The following PTCHD4 variants were observed in gnomAD, a reference collection of about 807,000 sequenced individuals.
PTCHD4 encodes patched domain-containing protein 4.
A neutral mutation model predicts 58.1 loss-of-function variants in PTCHD4; 33 were observed. That is an observed-to-expected ratio of 0.57 (90% confidence interval 0.43 to 0.76). The LOEUF (loss-of-function observed/expected upper bound fraction) is 0.76, where lower values mean the gene tolerates loss of function less well. Ranked by LOEUF, PTCHD4 falls within the 30% of genes least tolerant of loss-of-function variation. The pLI, the probability that PTCHD4 is intolerant of heterozygous loss-of-function variation, is 0.00. For missense variants in PTCHD4, 1,058 were observed against 1,027.1 expected, an observed-to-expected ratio of 1.03 and a Z score of -0.41; for synonymous variants, 478 against 409.6, an observed-to-expected ratio of 1.17 and a Z score of -2.02.
intron 1 of PTCHD4, among the ~76,000 whole-genome samples, chr6:48,101,556 G>A (rs941749179): frequency 1.3e-5 from 2 of 152,160 alleles, no homozygotes; most frequent in Non-Finnish European, 2.9e-5. Flanking sequence ...GCTTCTCATT[G>A]TCTTTTACAG....
intron 4 of PTCHD4, among the ~76,000 whole-genome samples, chr6:47,961,001 T>C (rs1052804196): frequency 1.3e-5 from 2 of 150,636 alleles, no homozygotes; most frequent in African/African-American, 2.4e-5. Flanking sequence ...TCTTGCTCTG[T>C]TGCCCAGGCT....
At position 48,075,861 on chromosome 6, in the gene PTCHD4, A is replaced by G. The variant is rs376851498; in HGVS notation, c.-969-5935T>C. 7.2e-5 allele frequency among the ~76,000 whole-genome samples: 11 copies of G among 152,350 alleles called. No individual in the cohort carries two copies. The East Asian group carries it at 1.3e-3, about 19-fold the overall frequency. ...TGATGTTGATGGCAGCTGACTGCTC[A>G]GGGTGATGGTTGCTGAAGGTTAGAG... On this transcript the variant is annotated intron_variant, in intron 1 of 4. Coordinates refer to ENST00000339488, the MANE Select transcript of PTCHD4 (RefSeq NM_001384253.1).
intron 3 of PTCHD4, among the ~76,000 whole-genome samples, chr6:48,065,016 T>C (rs1165973839): frequency 6.6e-6 from 1 of 152,170 alleles, no homozygotes; most frequent in Non-Finnish European, 1.5e-5. Context: ...TGGAATTCCA[T>C]GGAAGGCACC....
intron 3 of PTCHD4, among the ~76,000 whole-genome samples, chr6:48,058,543 G>C (rs1005996960): frequency 6.6e-6 from 1 of 152,082 alleles, no homozygotes; most frequent in East Asian, 1.9e-4. Context: ...AATATTAAGA[G>C]AATGGATTCT....
chr6:48,060,205 G>T lies in PTCHD4; in HGVS notation c.417+8025C>A, dbSNP rs183735002. 3.9e-5 allele frequency among the ~76,000 whole-genome samples: 6 copies of T among 152,252 alleles called. No homozygotes were observed. In the East Asian group the frequency reaches 1.2e-3, roughly 29 times the overall value. On this transcript the variant is annotated intron_variant, in intron 3 of 4. Transcript: ENST00000339488. Reference sequence around the variant, plus strand: ...AATGGCTTTTGAATCTTACCCACACGATGTCTGTCTTACCCACATTAGTAT... The same window carrying T: ...AATGGCTTTTGAATCTTACCCACACTATGTCTGTCTTACCCACATTAGTAT...
chr6:47,879,508 T>G lies in PTCHD4; in HGVS notation c.1327A>C (p.Ile443Leu), dbSNP rs373307518. 4 of 1,613,676 alleles carry G rather than the reference T, an allele frequency of 2.5e-6. No homozygotes were observed. The highest frequency in any genetic ancestry group is 3.4e-6 in the Non-Finnish European group (4 of 1,179,796). Residue 443 changes from isoleucine to leucine, a missense_variant, in exon 5 of 5, where the codon ATT (isoleucine) becomes CTT (leucine). Physicochemically the swap from Ile to Leu is conservative, Grantham distance 5. Coordinates refer to ENST00000339488, the MANE Select transcript of PTCHD4 (RefSeq NM_001384253.1). ...TAATGTTCACGGAGGAAGTGCTGAA[T>G]GAAGTGGTGCTGGTAGGGGTTCGTC... Reference protein sequence around the residue: ...HETNPYQHHFIQHFLREHYNE... With the variant: ...HETNPYQHHFLQHFLREHYNE...
At chr6:47,960,389 T>C (rs1028911756) in intron 4 of PTCHD4, among the ~76,000 whole-genome samples, 2 of 152,144 alleles carry the variant, frequency 1.3e-5, no homozygotes, top group Non-Finnish European at 1.5e-5. Flanking sequence ...GTGGTTTAAA[T>C]GCTCCAATTA....
At chr6:47,967,799 A>C (rs1306887105) in intron 4 of PTCHD4, among the ~76,000 whole-genome samples, 1 of 151,990 alleles carries the variant, frequency 6.6e-6, no homozygotes, top group African/African-American at 2.4e-5. Flanking sequence ...CAGCTTCCTC[A>C]CCTCTCTCAG....
At chr6:48,061,947 A>G (rs908229602) in intron 3 of PTCHD4, among the ~76,000 whole-genome samples, 1 of 152,206 alleles carries the variant, frequency 6.6e-6, no homozygotes, top group African/African-American at 2.4e-5. Context: ...TGTCTTGGGC[A>G]AAACTAGGAG....
chr6:48,007,125 A>C (rs1762465333), intron 4 of PTCHD4, among the ~76,000 whole-genome samples: 1 of 152,164 alleles, frequency 6.6e-6, no homozygotes, highest in South Asian at 2.1e-4. Context: ...CTGTAATCCC[A>C]GCTACTCAGG....
chr6:48,010,312 A>C (rs893525537), intron 3 of PTCHD4, among the ~76,000 whole-genome samples: 8 of 152,204 alleles, frequency 5.3e-5, no homozygotes, highest in African/African-American at 1.9e-4. Flanking sequence ...AGTTCTTCCT[A>C]GAGTGGGTAG....
chr6:48,026,097 T>C (rs985749924), intron 3 of PTCHD4, among the ~76,000 whole-genome samples: 5 of 152,172 alleles, frequency 3.3e-5, no homozygotes, highest in African/African-American at 1.2e-4. Flanking sequence ...ATTGAAAATC[T>C]TTAAAACTAT....
chr6:48,081,661 A>C (rs1302045021), intron 1 of PTCHD4, among the ~76,000 whole-genome samples: 1 of 152,248 alleles, frequency 6.6e-6, no homozygotes, highest in African/African-American at 2.4e-5. Flanking sequence ...AAGGAAGTAC[A>C]TAATTGCTTG....
intron 1 of PTCHD4, among the ~76,000 whole-genome samples, chr6:48,083,595 G>A (rs1460186627): frequency 6.6e-6 from 1 of 152,146 alleles, no homozygotes; most frequent in Non-Finnish European, 1.5e-5. Flanking sequence ...TTATTCAGGT[G>A]GGCACTTTGA....
In PTCHD4 at chr6:47,870,038, C is replaced by CTA. The variant is rs1763673437; in HGVS notation, c.*8263_*8264dup. Among the ~76,000 whole-genome samples the CTA allele has an allele frequency of 6.6e-6, 1 of 151,620 alleles. No individual in the cohort carries two copies. Among genetic ancestry groups the CTA allele is most frequent in the African/African-American group, 2.4e-5 (1 of 41,382 alleles). ...AAGACCTCATATTTGACCCTAAGAA[C>CTA]TATAGAATATACACCTGTATAATTT... On this transcript the variant is annotated 3_prime_UTR_variant, in exon 5 of 5. Coordinates refer to ENST00000339488, the MANE Select transcript of PTCHD4 (RefSeq NM_001384253.1).
chr6:48,028,146 T>C (rs2114125995), intron 3 of PTCHD4, among the ~76,000 whole-genome samples: 1 of 152,232 alleles, frequency 6.6e-6, no homozygotes, highest in Admixed American at 6.5e-5. Context: ...TTTCGCATTG[T>C]TGGCCAGCCT....
chr6:48,055,551 C>T (rs973839371), intron 3 of PTCHD4, among the ~76,000 whole-genome samples: 2 of 152,118 alleles, frequency 1.3e-5, no homozygotes, highest in Non-Finnish European at 2.9e-5. Context: ...ATAAAAAAGT[C>T]TAAAGGCTCA....
intron 1 of PTCHD4, among the ~76,000 whole-genome samples, chr6:48,096,504 C>T (rs1025459227): frequency 6.6e-5 from 10 of 151,334 alleles, no homozygotes; most frequent in Non-Finnish European, 1.3e-4. Context: ...CCCAGCTACT[C>T]AGGAGGCTGA....
Position 47,871,423 on chromosome 6 carries a change from T to G in PTCHD4, c.*6880A>C, listed in dbSNP as rs1429961722. Reference sequence around the variant, plus strand: ...TTTTCTGAAGTTATTCACAGATTATTTGTGCATCTTACTGGGTAGACTGCT... The same window carrying G: ...TTTTCTGAAGTTATTCACAGATTATGTGTGCATCTTACTGGGTAGACTGCT... On this transcript the variant is annotated 3_prime_UTR_variant, in exon 5 of 5. Transcript: ENST00000339488. 6.6e-6 allele frequency among the ~76,000 whole-genome samples: 1 copy of G among 151,636 alleles called. No individual in the cohort carries two copies. Among genetic ancestry groups the G allele is most frequent in the Non-Finnish European group, 1.5e-5 (1 of 67,722 alleles).
Sources: gnomAD v4.1 joint callset for allele counts (sites outside exome capture counted in the v4.1 genomes callset) on GRCh38, gnomAD v4.1.1 for gene constraint, MANE v1.5 for transcripts, NCBI Gene and HGNC (gene_info 2026-07-23, HGNC 2026-07-21) for gene names.